Variants in KIZ observed in about 807,000 individuals in gnomAD.
KIZ encodes centrosomal protein kizuna.
KIZ carries 68 observed loss-of-function variants against 79.6 expected under a neutral mutation model. That is an observed-to-expected ratio of 0.85 (90% confidence interval 0.70 to 1.05). The LOEUF is 1.05. Among genes scored for constraint, KIZ ranks in the 50% least tolerant of loss-of-function variants. KIZ has a pLI of 0.00. For missense variants in KIZ, 797 were observed against 800.4 expected, an observed-to-expected ratio of 1.00 and a Z score of 0.05; for synonymous variants, 280 against 281.8, an observed-to-expected ratio of 0.99 and a Z score of 0.06.
chr20:21,205,716 A>G, intron 7 of KIZ, 132 bp downstream of exon 7: 1 of 512,114 alleles, frequency 2.0e-6, no homozygotes, highest in Non-Finnish European at 3.4e-6. Context: ...TAATCCCAGC[A>G]CTTTTGGATG....
intron 3 of KIZ, among the ~76,000 whole-genome samples, chr20:21,138,065 C>T (rs369397149): frequency 0.027 from 2,855 of 106,034 alleles, 87 homozygotes; most frequent in African/African-American, 0.073. Flanking sequence ...AGCCACTGCA[C>T]CCAGACATAA....
chr20:21,243,768 CTG>C (rs2037297689), intron 11 of KIZ, among the ~76,000 whole-genome samples: 1 of 152,194 alleles, frequency 6.6e-6, no homozygotes, highest in African/African-American at 2.4e-5. Context: ...CCTTTCTTAA[CTG>C]TTAGTATTGC....
At chr20:21,208,439 T>C (rs199755300) in intron 7 of KIZ, among the ~76,000 whole-genome samples, 26 of 152,302 alleles carry the variant, frequency 1.7e-4, no homozygotes, top group South Asian at 6.2e-4. Flanking sequence ...CGCGGTGGCT[T>C]ACGCCTGTAA....
chr20:21,227,617 A>G (rs926762239), intron 9 of KIZ, among the ~76,000 whole-genome samples: 13 of 152,152 alleles, frequency 8.5e-5, no homozygotes, highest in Non-Finnish European at 1.8e-4. Context: ...TTTTATTAAT[A>G]TTATCCCTCT....
intron 6 of KIZ, chr20:21,166,566 G>A: frequency 1.4e-6 from 2 of 1,416,616 alleles, no homozygotes; most frequent in Non-Finnish European, 9.9e-7. Flanking sequence ...ATGGTCTTGA[G>A]AGCATCTGCC....
At chr20:21,213,828 T>G (rs1236099089) in intron 7 of KIZ, 1 of 152,208 alleles carries the variant, frequency 6.6e-6, no homozygotes, top group Non-Finnish European at 1.5e-5. Flanking sequence ...TCAGGACACA[T>G]GAGGCATTTA....
At chr20:21,195,089 T>G (rs1301525062) in intron 6 of KIZ, 1 of 152,174 alleles carries the variant, frequency 6.6e-6, no homozygotes, top group Non-Finnish European at 1.5e-5. Context: ...TGGTGTCTCT[T>G]TTGTGCTAAA....
intron 6 of KIZ, among the ~76,000 whole-genome samples, chr20:21,187,561 T>G (rs964620715): frequency 2.0e-5 from 3 of 152,080 alleles, no homozygotes; most frequent in African/African-American, 4.8e-5. Context: ...TTGTTTCCCT[T>G]CTCCCTGAAT....
chr20:21,162,802 T>A, intron 5 of KIZ, 48 bp from the exon 6 acceptor site: 1 of 1,471,184 alleles, frequency 6.8e-7, no homozygotes, highest in South Asian at 1.3e-5. Context: ...TTACCTTGCT[T>A]CCTCCTGAAG....
chr20:21,152,801 T>A (rs867222319), intron 4 of KIZ, among the ~76,000 whole-genome samples: 2 of 152,238 alleles, frequency 1.3e-5, no homozygotes, highest in African/African-American at 4.8e-5. Context: ...TCATACCTGC[T>A]TTTCTCTTAC....
intron 3 of KIZ, among the ~76,000 whole-genome samples, chr20:21,140,602 T>TA (rs2032461764): frequency 6.6e-6 from 1 of 152,196 alleles, no homozygotes; most frequent in Non-Finnish European, 1.5e-5. Flanking sequence ...ATTGACGTGT[T>TA]ATGTAGTTTT....
At chr20:21,220,128 GT>G (rs2036454629) in intron 9 of KIZ, among the ~76,000 whole-genome samples, 1 of 149,122 alleles carries the variant, frequency 6.7e-6, no homozygotes, top group African/African-American at 2.5e-5. Context: ...ATATATATTA[GT>G]TATATATTAT....
chr20:21,145,492 A>G, intron 3 of KIZ, 73 bp from the exon 4 acceptor site: 1 of 554,280 alleles, frequency 1.8e-6, no homozygotes, highest in Non-Finnish European at 3.0e-6. Flanking sequence ...TGTATGTTGT[A>G]AAGACCGCAG....
At chr20:21,131,799 A>C (rs1338772844) in intron 1 of KIZ, 1 of 237,636 alleles carries the variant, frequency 4.2e-6, no homozygotes, top group Non-Finnish European at 8.1e-6. Flanking sequence ...TTCCTATTGC[A>C]TTTCCCCATT....
At chr20:21,134,534 A>C (rs1396337851) in intron 2 of KIZ, among the ~76,000 whole-genome samples, 1 of 152,088 alleles carries the variant, frequency 6.6e-6, no homozygotes, top group Non-Finnish European at 1.5e-5. Flanking sequence ...CAATTTTATC[A>C]ACATTCTTTT....
chr20:21,205,406 C>A (rs902478069), intron 6 of KIZ, 85 bp from the exon 7 acceptor site: 1 of 580,516 alleles, frequency 1.7e-6, no homozygotes, highest in African/African-American at 1.9e-5. Flanking sequence ...AAACCATCTT[C>A]TACTAACGTA....
chr20:21,189,013 T>C (rs1351906566), intron 6 of KIZ, among the ~76,000 whole-genome samples: 1 of 152,030 alleles, frequency 6.6e-6, no homozygotes, highest in African/African-American at 2.4e-5. Flanking sequence ...CAGCCTGTTT[T>C]GTATTTTATT....
At chr20:21,158,321 C>T (rs1433336109) in intron 4 of KIZ, 1 of 152,100 alleles carries the variant, frequency 6.6e-6, no homozygotes, top group African/African-American at 2.4e-5. Context: ...ATAATGGCCT[C>T]TTTGGATGGT....
At chr20:21,205,443 C>A in intron 6 of KIZ, 48 bp from the exon 7 acceptor site, 1 of 774,512 alleles carries the variant, frequency 1.3e-6, no homozygotes, top group South Asian at 1.7e-5. Flanking sequence ...ATGTGGGAAT[C>A]TTATAATATT....
Sources: allele counts gnomAD v4.1 joint callset (sites outside exome capture counted in the v4.1 genomes callset), GRCh38; gene constraint gnomAD v4.1.1; transcripts MANE v1.5; gene names NCBI Gene and HGNC (gene_info 2026-07-23, HGNC 2026-07-21).